MYO16: variants seen among roughly 807,000 people sequenced by gnomAD.
MYO16 encodes unconventional myosin-XVI.
MYO16 carries 94 observed loss-of-function variants against 205.3 expected under a neutral mutation model. That is an observed-to-expected ratio of 0.46 (90% CI 0.39 to 0.54). The LOEUF is 0.54. MYO16 is among the 20% of genes least tolerant of loss of function. The probability of loss-of-function intolerance (pLI) is 0.00; values close to 1 mark genes in which losing one functional copy is unlikely to be tolerated. For synonymous variants in MYO16, 988 were observed against 954.0 expected (o/e 1.04, Z -0.66); for missense variants, 2,315 against 2,387.5 (o/e 0.97, Z 0.63).
chr13:108,686,581 G>A (rs1882686908), intron 2 of MYO16, among the ~76,000 whole-genome samples: 1 of 152,154 alleles, frequency 6.6e-6, no homozygotes, highest in South Asian at 2.1e-4. Flanking sequence ...TGAATACTCT[G>A]ATTCAGAGTC....
intron 2 of MYO16, among the ~76,000 whole-genome samples, chr13:108,690,881 C>T (rs1012376359): frequency 3.5e-4 from 54 of 152,192 alleles, no homozygotes; most frequent in African/African-American, 1.3e-3. Context: ...GTGGAGGTGG[C>T]GGGTAGGGGA....
Position 109,174,489 on chromosome 13 carries a change from G to GAGAC in MYO16, c.5324-5051_5324-5048dup, listed in dbSNP as rs1393088702. Among the ~76,000 whole-genome samples the GAGAC allele has an allele frequency of 8.5e-5, 13 of 152,244 alleles. No homozygotes were observed. In the South Asian group the frequency reaches 2.5e-3, roughly 29 times the overall value. ...ATTTACATTGAGAAGGGGGGAAATG[G>GAGAC]AGACATACAATAGGTGCTCAAGAGA... On this transcript the variant is annotated intron_variant, in intron 33 of 34. Coordinates refer to ENST00000457511, the MANE Select transcript of MYO16 (RefSeq NM_001198950.3).
At chr13:109,064,514 G>T (rs1431268) in intron 27 of MYO16, among the ~76,000 whole-genome samples, 1,832 of 152,292 alleles carry the variant, frequency 0.012, 23 homozygotes, top group South Asian at 0.033. Flanking sequence ...TCAGTGGCTT[G>T]CAACAGCAAA....
chr13:109,114,510 A>G (rs1462254828), intron 28 of MYO16, among the ~76,000 whole-genome samples: 1 of 152,182 alleles, frequency 6.6e-6, no homozygotes, highest in Non-Finnish European at 1.5e-5. Context: ...AAAACTGAAG[A>G]GGTTGATCAA....
intron 4 of MYO16, among the ~76,000 whole-genome samples, chr13:108,759,462 ATCT>A (rs1885524481): frequency 1.3e-5 from 2 of 152,356 alleles, no homozygotes; most frequent in East Asian, 1.9e-4. Context: ...AGCAATTCCT[ATCT>A]TCTTTGAGAT....
At chr13:109,040,928 A>G (rs1379713161) in intron 23 of MYO16, among the ~76,000 whole-genome samples, 1 of 152,176 alleles carries the variant, frequency 6.6e-6, no homozygotes, top group Non-Finnish European at 1.5e-5. Flanking sequence ...ACCTGTGCTT[A>G]TTTAATTGCC....
At chr13:108,893,227 C>G (rs142755888) in intron 14 of MYO16, among the ~76,000 whole-genome samples, 1 of 152,184 alleles carries the variant, frequency 6.6e-6, no homozygotes, top group Non-Finnish European at 1.5e-5. Context: ...TAAATACAAG[C>G]ATTGAATACA....
At chr13:109,036,418 A>G (rs989372247) in intron 23 of MYO16, among the ~76,000 whole-genome samples, 4 of 152,052 alleles carry the variant, frequency 2.6e-5, no homozygotes, top group African/African-American at 7.3e-5. Context: ...AAAGTTTTAT[A>G]CCCCTTTTTT....
intron 7 of MYO16, among the ~76,000 whole-genome samples, chr13:108,810,143 C>G (rs912028472): frequency 6.6e-6 from 1 of 152,158 alleles, no homozygotes; most frequent in African/African-American, 2.4e-5. Flanking sequence ...TATTTTTATC[C>G]TCTGCTTCGC....
chr13:109,172,748 A>C (rs1022105433), intron 33 of MYO16, among the ~76,000 whole-genome samples: 3 of 152,222 alleles, frequency 2.0e-5, no homozygotes, highest in African/African-American at 7.2e-5. Flanking sequence ...ACCTATACAC[A>C]GTTATTCATA....
At chr13:109,077,733 A>G (rs1029405720) in intron 27 of MYO16, among the ~76,000 whole-genome samples, 5 of 152,138 alleles carry the variant, frequency 3.3e-5, no homozygotes, top group African/African-American at 1.2e-4. Context: ...GATTTTCTGT[A>G]TGTTACTATG....
intron 1 of MYO16, among the ~76,000 whole-genome samples, chr13:108,644,844 T>G (rs560093668): frequency 5.3e-5 from 8 of 152,072 alleles, no homozygotes; most frequent in Non-Finnish European, 1.2e-4. Flanking sequence ...TAGTCTGGAG[T>G]ATAGTCTGAA....
intron 10 of MYO16, among the ~76,000 whole-genome samples, chr13:108,848,759 G>A (rs541582510): frequency 2.0e-5 from 3 of 152,222 alleles, no homozygotes; most frequent in Non-Finnish European, 4.4e-5. Context: ...AGGCTGCGGT[G>A]AGCTAGGACG....
chr13:108,932,033 G>A (rs940376364), intron 16 of MYO16, among the ~76,000 whole-genome samples: 5 of 152,062 alleles, frequency 3.3e-5, no homozygotes, highest in African/African-American at 7.2e-5. Flanking sequence ...GCTTCATTCC[G>A]GATAATTTCT....
intron 16 of MYO16, among the ~76,000 whole-genome samples, chr13:108,937,173 C>T (rs1295082689): frequency 1.3e-5 from 2 of 152,222 alleles, no homozygotes; most frequent in Non-Finnish European, 2.9e-5. Context: ...GAAAACAGAC[C>T]CCCAATTTTT....
intron 16 of MYO16, among the ~76,000 whole-genome samples, chr13:108,924,981 T>C (rs548838974): frequency 6.6e-6 from 1 of 152,336 alleles, no homozygotes; most frequent in South Asian, 2.1e-4. Flanking sequence ...GAAAGGGCCG[T>C]ACTTGTCTTT....
intron 31 of MYO16, among the ~76,000 whole-genome samples, chr13:109,131,803 A>T (rs1876555326): frequency 6.6e-6 from 1 of 152,138 alleles, no homozygotes. Flanking sequence ...TTCATTCCTC[A>T]CACACCGGGT....
In MYO16 at chr13:108,706,806, G is replaced by A. The variant is rs147116393; in HGVS notation, c.293-5855G>A. ...TTTAGTCAGGTCCAGTTTTGATCAA[G>A]TTGAGTGGGAAAAAAGAAGTCTGAA... On this transcript the variant is annotated intron_variant, in intron 2 of 34. Coordinates refer to ENST00000457511, the MANE Select transcript of MYO16 (RefSeq NM_001198950.3). Among the ~76,000 whole-genome samples, 464 of 152,306 alleles carry A rather than the reference G, an allele frequency of 3.0e-3. 1 individual carries two copies. Among genetic ancestry groups the A allele is most frequent in the African/African-American group, 0.011 (449 of 41,564 alleles).
intron 32 of MYO16, among the ~76,000 whole-genome samples, chr13:109,160,792 T>G (rs1039046208): frequency 6.6e-6 from 1 of 152,216 alleles, no homozygotes; most frequent in Non-Finnish European, 1.5e-5. Flanking sequence ...ACTGTATTAT[T>G]TCTAAAATTC....
Sources: allele counts gnomAD v4.1 joint callset (sites outside exome capture counted in the v4.1 genomes callset), GRCh38; gene constraint gnomAD v4.1.1; transcripts MANE v1.5; gene names NCBI Gene and HGNC (gene_info 2026-07-23, HGNC 2026-07-21).